Variants in ZBTB20 observed in about 807,000 individuals in gnomAD.
ZBTB20 encodes zinc finger and BTB domain-containing protein 20.
Under a neutral mutation model 56.9 loss-of-function variants are expected in ZBTB20, and 9 were observed. That is an observed-to-expected ratio of 0.16 (90% CI 0.10 to 0.28). ZBTB20 has a LOEUF of 0.28. Ranked by LOEUF, ZBTB20 falls within the 10% of genes least tolerant of loss-of-function variation. The probability of loss-of-function intolerance (pLI) is 1.00; values close to 1 mark genes in which losing one functional copy is unlikely to be tolerated. For synonymous variants in ZBTB20, 417 were observed against 420.7 expected, an observed-to-expected ratio of 0.99 and a Z score of 0.11; for missense variants, 655 against 1,003.0, an observed-to-expected ratio of 0.65 and a Z score of 4.69.
At chr3:114,342,931 G>A (rs1249570348) in intron 11 of ZBTB20, among the ~76,000 whole-genome samples, 1 of 152,132 alleles carries the variant, frequency 6.6e-6, no homozygotes, top group African/African-American at 2.4e-5. Flanking sequence ...AGCACAGACA[G>A]AGGATTTCCT....
intron 4 of ZBTB20, among the ~76,000 whole-genome samples, chr3:114,814,684 C>T (rs530086594): frequency 3.9e-5 from 6 of 152,208 alleles, no homozygotes; most frequent in South Asian, 4.2e-4. Flanking sequence ...TTTCTGTGCA[C>T]GAATAAAATA....
chr3:114,629,141 G>A (rs917183082), intron 6 of ZBTB20, among the ~76,000 whole-genome samples: 1 of 152,140 alleles, frequency 6.6e-6, no homozygotes, highest in African/African-American at 2.4e-5. Context: ...GGCAGATCTA[G>A]ATTCAAATTT....
intron 6 of ZBTB20, among the ~76,000 whole-genome samples, chr3:114,631,385 T>TTTC (rs2058936222): frequency 2.1e-5 from 2 of 96,260 alleles, no homozygotes; most frequent in African/African-American, 8.8e-5. Flanking sequence ...GGTTATTCTT[T>TTTC]TTTTTTTTTT....
At chr3:114,604,383 T>G (rs1456350502) in intron 6 of ZBTB20, among the ~76,000 whole-genome samples, 2 of 151,848 alleles carry the variant, frequency 1.3e-5, no homozygotes, top group Non-Finnish European at 2.9e-5. Flanking sequence ...AAATAATGAA[T>G]AAAAGTGGTT....
intron 5 of ZBTB20, among the ~76,000 whole-genome samples, chr3:114,744,593 T>C (rs2066886827): frequency 6.6e-6 from 1 of 152,142 alleles, no homozygotes; most frequent in South Asian, 2.1e-4. Context: ...TGAAATTCTC[T>C]GATTGTAAAA....
At chr3:114,784,360 T>C (rs1347405734) in intron 5 of ZBTB20, among the ~76,000 whole-genome samples, 1 of 152,194 alleles carries the variant, frequency 6.6e-6, no homozygotes, top group East Asian at 1.9e-4. Flanking sequence ...AAGTAATGTT[T>C]TGTGTGAATA....
chr3:114,866,943 T>C (rs1486429545), intron 4 of ZBTB20, among the ~76,000 whole-genome samples: 2 of 152,176 alleles, frequency 1.3e-5, no homozygotes, highest in Non-Finnish European at 2.9e-5. Flanking sequence ...TTATAAAACA[T>C]CTCTTCTATA....
chr3:114,867,170 G>A (rs543329999), intron 4 of ZBTB20, among the ~76,000 whole-genome samples: 1 of 152,086 alleles, frequency 6.6e-6, no homozygotes, highest in Non-Finnish European at 1.5e-5. Context: ...AGAGGAGCAG[G>A]GGTAGGGGCA....
chr3:114,394,902 T>TC (rs141039439), intron 7 of ZBTB20, among the ~76,000 whole-genome samples: 2,788 of 152,314 alleles, frequency 0.018, 40 homozygotes, highest in South Asian at 0.067. Flanking sequence ...CCAAGGGTTT[T>TC]CCCCTCTCTC....
rs79188385 is a variant in ZBTB20 at position 115,015,080 on chromosome 3, G to C, written c.-506-40664C>G. 2.6e-4 allele frequency among the ~76,000 whole-genome samples: 40 copies of C among 151,924 alleles called. No individual in the cohort carries two copies. In the East Asian group the frequency reaches 4.5e-3, roughly 17 times the overall value. ...AGCAATAGTTGTGGTCTTACTTGCT[G>C]TGTGGTGGGTCTCAGATGCCCTATA... is the stretch of plus-strand genomic sequence containing the variant. On this transcript the variant is annotated intron_variant, in intron 2 of 11. Transcript: ENST00000675478.
intron 2 of ZBTB20, among the ~76,000 whole-genome samples, chr3:114,998,642 A>C (rs2108200053): frequency 6.6e-6 from 1 of 151,876 alleles, no homozygotes; most frequent in Non-Finnish European, 1.5e-5. Context: ...TAGATTCAAA[A>C]GAATATGGTA....
intron 5 of ZBTB20, among the ~76,000 whole-genome samples, chr3:114,758,199 G>C (rs1366508215): frequency 4.6e-5 from 7 of 152,036 alleles, no homozygotes; most frequent in Admixed American, 4.6e-4. Flanking sequence ...GAGTATCTCT[G>C]TTTCTTAATG....
At chr3:114,416,735 T>C (rs1460104093) in intron 7 of ZBTB20, among the ~76,000 whole-genome samples, 1 of 152,072 alleles carries the variant, frequency 6.6e-6, no homozygotes, top group Non-Finnish European at 1.5e-5. Flanking sequence ...GGGTTATAAC[T>C]CAACTATCAA....
chr3:114,855,952 C>G lies in ZBTB20; in HGVS notation c.-417+44352G>C, dbSNP rs1032383074. On this transcript the variant is annotated intron_variant, in intron 4 of 11. Transcript: ENST00000675478. ...GCGAGAGTAAATAACCCAAACTTAA[C>G]GTGACCTTCCTAGCATTATTTTAGG... Among the ~76,000 whole-genome samples the G allele has an allele frequency of 2.6e-5, 4 of 152,264 alleles. No individual in the cohort carries two copies. The South Asian group carries it at 8.3e-4, about 32-fold the overall frequency.
intron 2 of ZBTB20, among the ~76,000 whole-genome samples, chr3:115,003,624 G>C (rs1053630031): frequency 6.6e-6 from 1 of 151,578 alleles, no homozygotes; most frequent in African/African-American, 2.4e-5. Context: ...GAGCTCAGAA[G>C]TTTAAGGTTA....
intron 6 of ZBTB20, among the ~76,000 whole-genome samples, chr3:114,633,972 A>G (rs1344077611): frequency 6.6e-6 from 1 of 152,158 alleles, no homozygotes; most frequent in East Asian, 1.9e-4. Flanking sequence ...ATTATAAGCT[A>G]TTTGCATGAA....
intron 5 of ZBTB20, among the ~76,000 whole-genome samples, chr3:114,784,650 T>A (rs2070362227): frequency 6.6e-6 from 1 of 152,224 alleles, no homozygotes; most frequent in Non-Finnish European, 1.5e-5. Context: ...TGCATGTATT[T>A]TAGAAGTTCA....
rs149708202 is a variant in ZBTB20, at chr3:115,059,642, A to G, written c.-507+11577T>C. Among the ~76,000 whole-genome samples, 16 of 152,292 alleles carry G rather than the reference A, an allele frequency of 1.1e-4. No individual in the cohort carries two copies. In the East Asian group the frequency reaches 3.1e-3, roughly 29 times the overall value. ...CAGATTTCCAAAGTTCCTTGTCTGC[A>G]TATCTCCCTTCCTCCGGTATTCTAC... On this transcript the variant is annotated intron_variant, in intron 2 of 11. Transcript: ENST00000675478.
rs964331371 is a variant in ZBTB20, at chr3:114,326,733, C to G, written c.*12272G>C. ...TAAATCAAGGTTTATAGATAGCAAA[C>G]AACTGTTTGAATGTGTGAAAGTATT... On this transcript the variant is annotated 3_prime_UTR_variant, in exon 12 of 12. Transcript: ENST00000675478. 1.3e-5 allele frequency: 2 copies of G among 152,086 alleles called. No individual in the cohort carries two copies. The highest frequency in any genetic ancestry group is 2.9e-5 in the Non-Finnish European group (2 of 67,980). The allele number at this position is 152,086 out of a possible 1,614,324, so 9.4% of individuals were successfully genotyped here.
Sources: gnomAD v4.1 joint callset for allele counts (sites outside exome capture counted in the v4.1 genomes callset) on GRCh38, gnomAD v4.1.1 for gene constraint, MANE v1.5 for transcripts, NCBI Gene and HGNC (gene_info 2026-07-23, HGNC 2026-07-21) for gene names.